The following NPHP3 variants were observed in gnomAD, a reference collection of about 807,000 sequenced individuals.
The protein encoded by NPHP3 is nephrocystin-3.
Under a neutral mutation model 171.9 loss-of-function variants are expected in NPHP3, and 123 were observed. The observed-to-expected ratio is 0.72, with a 90% CI of 0.62 to 0.83. The LOEUF (loss-of-function observed/expected upper bound fraction) is 0.83, where lower values mean the gene tolerates loss of function less well. NPHP3 is among the 40% of genes least tolerant of loss of function. The pLI, the probability that NPHP3 is intolerant of heterozygous loss-of-function variation, is 0.00. For synonymous variants in NPHP3, 558 were observed against 579.2 expected, an observed-to-expected ratio of 0.96 and a Z score of 0.52; for missense variants, 1,506 against 1,591.9, an observed-to-expected ratio of 0.95 and a Z score of 0.92.
Position 132,722,066 on chromosome 3 carries a change from T to G in NPHP3, c.290A>C (p.Glu97Ala). The G allele has an allele frequency of 6.2e-7, 1 of 1,612,584 alleles. No individual in the cohort carries two copies. Among genetic ancestry groups the G allele is most frequent in the Non-Finnish European group, 8.5e-7 (1 of 1,179,874 alleles). Residue 97 changes from glutamate (E) to alanine (A), a missense_variant, in exon 1 of 27, where the codon GAG becomes GCG. Transcript: ENST00000337331. ...AAAEYERLRK[E>A]YEIFRVSKNQ... Reference sequence around the variant, plus strand: ...CTTGCTGACGCGAAAGATCTCGTACTCCTTCCTGAGCCGCTCGTACTCGGC... The same window carrying G: ...CTTGCTGACGCGAAAGATCTCGTACGCCTTCCTGAGCCGCTCGTACTCGGC...
At chr3:132,721,939 C>T (rs766292339) in intron 1 of NPHP3, 24 bp downstream of exon 1, 1 of 1,610,170 alleles carries the variant, frequency 6.2e-7, no homozygotes, top group Non-Finnish European at 8.5e-7. Context: ...GGTCTCCCGG[C>T]GTCGCGGCCC....
At chr3:132,705,911 C>A in intron 7 of NPHP3, 97 bp from the exon 8 acceptor site, 1 of 696,056 alleles carries the variant, frequency 1.4e-6, no homozygotes, top group South Asian at 1.6e-5. Context: ...AGGAACTATT[C>A]TAAATATTTA....
rs766926042 is a variant in NPHP3 at position 132,722,166 on chromosome 3, C to A, written c.190G>T (p.Val64Leu). The A allele has an allele frequency of 6.4e-7, 1 of 1,571,720 alleles. No homozygotes were observed. The highest frequency in any genetic ancestry group is 1.1e-5 in the South Asian group (1 of 87,780). ...GAGPGSLPRG[V>L]GAGGLLGASF... is the part of the protein sequence containing the mutation. Reference sequence around the variant, plus strand: ...GCCCCCAGCAGCCCGCCCGCGCCCACCCCGCGGGGCAGCGACCCGGGCCCG... The same window carrying A: ...GCCCCCAGCAGCCCGCCCGCGCCCAACCCGCGGGGCAGCGACCCGGGCCCG... Residue 64 changes from valine (V) to leucine (L), a missense_variant, in exon 1 of 27, where the codon GTG becomes TTG. Val to Leu is a conservative substitution (Grantham distance 32). Transcript: ENST00000337331.
chr3:132,693,874 G>A (rs1464251197), intron 16 of NPHP3: 1 of 144,336 alleles, frequency 6.9e-6, no homozygotes, highest in African/African-American at 2.6e-5. Flanking sequence ...CTCTGTCTCG[G>A]GAAAAAAAAA....
chr3:132,713,593 T>A (rs1172645724), intron 5 of NPHP3, among the ~76,000 whole-genome samples: 1 of 152,180 alleles, frequency 6.6e-6, no homozygotes, highest in South Asian at 2.1e-4. Flanking sequence ...CTTTTTGTTA[T>A]TATTACTATG....
At chr3:132,683,959 A>C (rs1466164615) in intron 24 of NPHP3, among the ~76,000 whole-genome samples, 2 of 152,230 alleles carry the variant, frequency 1.3e-5, no homozygotes, top group Non-Finnish European at 1.5e-5. Flanking sequence ...CAGGATGACC[A>C]GTAATGGACC....
rs773344647 is a variant in NPHP3 at position 132,697,246 on chromosome 3, T to A, written c.2088+14A>T. On this transcript the variant is annotated intron_variant, in intron 14 of 26. Transcript: ENST00000337331. ...GAGAGAGTAAAAGATTGCATCAAAA[T>A]GAAAAATACACACCTGCTCTTTACT... 3 of 1,531,094 alleles carry A rather than the reference T, an allele frequency of 2.0e-6. No individual in the cohort carries two copies. Among genetic ancestry groups the A allele is most frequent in the Non-Finnish European group, 1.8e-6 (2 of 1,106,274 alleles). 94.8% of individuals were successfully genotyped at this position (1,531,094 alleles called of 1,614,324 possible). A position where few individuals can be genotyped will look rare whatever the true frequency, so the allele number is the denominator to read the frequency against.
intron 9 of NPHP3, 72 bp downstream of exon 9, chr3:132,704,126 A>G: frequency 1.4e-6 from 2 of 1,391,650 alleles, no homozygotes; most frequent in Non-Finnish European, 2.0e-6. Flanking sequence ...CTATATTTAG[A>G]TGAAAATACA....
chr3:132,697,481 A>G, intron 13 of NPHP3, 119 bp from the exon 14 acceptor site: 2 of 674,942 alleles, frequency 3.0e-6, no homozygotes, highest in Non-Finnish European at 5.2e-6. Context: ...TTGTAAAATA[A>G]GCAAAACTAA....
chr3:132,687,451 TAAA>T (rs754215075), intron 21 of NPHP3, among the ~76,000 whole-genome samples: 9 of 152,282 alleles, frequency 5.9e-5, no homozygotes, highest in Non-Finnish European at 1.2e-4. Flanking sequence ...GTTTTTCTAA[TAAA>T]AAGTTCTGTT....
intron 2 of NPHP3, 97 bp downstream of exon 2, chr3:132,719,604 GACTT>G (rs1216992415): frequency 1.3e-5 from 10 of 777,732 alleles, no homozygotes; most frequent in Non-Finnish European, 1.4e-5. Flanking sequence ...AATCCTACAT[GACTT>G]ACTTCTATTT....
intron 15 of NPHP3, 177 bp from the exon 16 acceptor site, chr3:132,695,142 T>C: frequency 1.7e-6 from 1 of 597,584 alleles, no homozygotes; most frequent in Non-Finnish European, 3.0e-6. Flanking sequence ...ATTGGGTTTA[T>C]TTTACTATAT....
At position 132,704,263 on chromosome 3, in the gene NPHP3, C is replaced by T. The variant is rs745548724; in HGVS notation, c.1459G>A (p.Glu487Lys). 12 of 1,614,152 alleles carry T rather than the reference C, an allele frequency of 7.4e-6. No homozygotes were observed. In the South Asian group the frequency reaches 8.8e-5, roughly 12 times the overall value. ...FGDVLWDIHD[E>K]QEQMETFQQA... ...TGAAAAGTTTCCATTTGCTCTTGTT[C>T]ATCATGTATGTCCCACAGAACATCA... Residue 487 changes from glutamate to lysine, a missense_variant, in exon 9 of 27, where the codon GAA becomes AAA. Physicochemically the swap from Glu to Lys is moderately conservative, Grantham distance 56 (BLOSUM62 1). Coordinates refer to ENST00000337331, the MANE Select transcript of NPHP3 (RefSeq NM_153240.5).
chr3:132,684,081 A>C (rs1576660053), intron 24 of NPHP3, among the ~76,000 whole-genome samples: 2 of 152,208 alleles, frequency 1.3e-5, no homozygotes, highest in African/African-American at 4.8e-5. Context: ...AATATCACTC[A>C]GTATAGAACC....
chr3:132,692,984 A>G, intron 16 of NPHP3, 166 bp from the exon 17 acceptor site: 2 of 640,482 alleles, frequency 3.1e-6, no homozygotes, highest in South Asian at 1.9e-5. Flanking sequence ...ACTGTCCAAA[A>G]GACATTAATG....
At chr3:132,718,916 T>C in intron 3 of NPHP3, 78 bp downstream of exon 3, 7 of 1,411,982 alleles carry the variant, frequency 5.0e-6, no homozygotes, top group Non-Finnish European at 7.0e-6. Flanking sequence ...AAAAGAAATC[T>C]AGCAGAATTC....
At chr3:132,701,298 T>C (rs549642892) in intron 10 of NPHP3, 132 bp downstream of exon 10, 3 of 668,938 alleles carry the variant, frequency 4.5e-6, no homozygotes, top group South Asian at 1.6e-5. Flanking sequence ...CATGAACCTA[T>C]TGTTTTATTC....
At chr3:132,684,951 C>A in intron 23 of NPHP3, 157 bp from the exon 24 acceptor site, 1 of 822,026 alleles carries the variant, frequency 1.2e-6, no homozygotes, top group Non-Finnish European at 1.9e-6. Context: ...TCTTCCCCAC[C>A]CCTATCTCTT....
In NPHP3 at chr3:132,681,634, A is replaced by G. The variant is rs1939029815; in HGVS notation, c.*276T>C. 1 of 402,880 alleles carries G rather than the reference A, an allele frequency of 2.5e-6. No homozygotes were observed. The allele number at this position is 402,880 out of a possible 1,614,324, so 25.0% of individuals were successfully genotyped here. The stretch of plus-strand genomic sequence containing the variant: ...GCCAGCTCTTGTTGAACAAAGACCA[A>G]TCCGCTCTTCATGATTTGCTCCTCA... On this transcript the variant is annotated 3_prime_UTR_variant, in exon 27 of 27. Transcript: ENST00000337331.
Sources: gnomAD v4.1 joint callset for allele counts (sites outside exome capture counted in the v4.1 genomes callset) on GRCh38, gnomAD v4.1.1 for gene constraint, MANE v1.5 for transcripts, NCBI Gene and HGNC (gene_info 2026-07-23, HGNC 2026-07-21) for gene names.